Variants in ALPK3 observed in about 807,000 individuals in gnomAD.
ALPK3 encodes the protein alpha-protein kinase 3.
In ALPK3, 102 loss-of-function variants were observed where a neutral mutation model predicts 140.0. That is an observed-to-expected ratio of 0.73 (90% confidence interval 0.62 to 0.86). ALPK3 has a LOEUF of 0.86. ALPK3 is among the 40% of genes least tolerant of loss of function. ALPK3 has a pLI of 0.00. For missense variants in ALPK3, 2,254 were observed against 2,208.2 expected, an observed-to-expected ratio of 1.02 and a Z score of -0.42; for synonymous variants, 938 against 898.5, an observed-to-expected ratio of 1.04 and a Z score of -0.79.
At chr15:84,842,336 G>A (rs1346293527) in intron 5 of ALPK3, among the ~76,000 whole-genome samples, 2 of 152,192 alleles carry the variant, frequency 1.3e-5, no homozygotes, top group East Asian at 1.9e-4. Flanking sequence ...GCCCAGCCCA[G>A]TATTTCTTTT....
In ALPK3 at chr15:84,856,417, C is replaced by T. The variant is rs768351052; in HGVS notation, c.1679C>T (p.Ala560Val). 1 of 1,607,300 alleles carries T rather than the reference C, an allele frequency of 6.2e-7. No homozygotes were observed. The highest frequency in any genetic ancestry group is 8.5e-7 in the Non-Finnish European group (1 of 1,177,018). Residue 560 changes from alanine to valine, a missense_variant, in exon 6 of 14, where the codon GCT (alanine) becomes GTT (valine). Transcript: ENST00000258888. ...GEVLECQTTTAPTMSASSSSD... is the reference protein window; with the variant it reads ...GEVLECQTTTVPTMSASSSSD... ...GTCCTGGAATGCCAGACAACCACGG[C>T]TCCTACCATGTCGGCCAGCAGCAGC...
At chr15:84,824,069 ATCT>A (rs1963457942) in intron 2 of ALPK3, among the ~76,000 whole-genome samples, 5 of 152,060 alleles carry the variant, frequency 3.3e-5, no homozygotes, top group Non-Finnish European at 7.4e-5. Flanking sequence ...CTTATTGTCT[ATCT>A]TCTTCTAACC....
chr15:84,845,266 C>A (rs1963715559), intron 5 of ALPK3, among the ~76,000 whole-genome samples: 1 of 152,028 alleles, frequency 6.6e-6, no homozygotes, highest in Admixed American at 6.6e-5. Flanking sequence ...AAAGAGATTT[C>A]TTGGCAGTGA....
intron 10 of ALPK3, 94 bp from the exon 11 acceptor site, chr15:84,863,458 C>A: frequency 9.1e-7 from 1 of 1,104,480 alleles, no homozygotes; most frequent in Non-Finnish European, 1.3e-6. Context: ...CTCTCAGTCC[C>A]CTAACAGAAT....
intron 3 of ALPK3, among the ~76,000 whole-genome samples, chr15:84,831,993 A>G (rs1369040542): frequency 6.6e-6 from 1 of 152,188 alleles, no homozygotes; most frequent in African/African-American, 2.4e-5. Context: ...TTTTTCATAG[A>G]ATAGTCATGC....
At chr15:84,856,274 A>T (rs531299649) in intron 5 of ALPK3, 118 bp from the exon 6 acceptor site, 3 of 1,424,338 alleles carry the variant, frequency 2.1e-6, no homozygotes, top group Non-Finnish European at 2.8e-6. Context: ...AGAAACCAGG[A>T]GGCAAGATTC....
chr15:84,832,506 A>G (rs553277616), intron 3 of ALPK3, among the ~76,000 whole-genome samples: 99 of 152,302 alleles, frequency 6.5e-4, no homozygotes, highest in African/African-American at 2.3e-3. Flanking sequence ...TCTGCCTGGC[A>G]AATTCCTTCT....
In ALPK3 at chr15:84,849,160, AAG is replaced by A. The variant is rs1430906478; in HGVS notation, c.1654-7228_1654-7227del. ...TCTGTCTCAAAAAAAAAAAATTACT[AAG>A]AGAAAAATAGTGAACTATCTAGTGA... On this transcript the variant is annotated intron_variant, in intron 5 of 13. Coordinates refer to ENST00000258888, the MANE Select transcript of ALPK3 (RefSeq NM_020778.5). Among the ~76,000 whole-genome samples the A allele has an allele frequency of 4.1e-4, 63 of 152,206 alleles. No homozygotes were observed. The South Asian group carries it at 0.011, about 28-fold the overall frequency.
At chr15:84,852,369 G>A (rs138344902) in intron 5 of ALPK3, 85 of 153,756 alleles carry the variant, frequency 5.5e-4, no homozygotes, top group African/African-American at 2.0e-3. Flanking sequence ...AGGTGGGGTG[G>A]CATGAGATTT....
At position 84,839,632 on chromosome 15, in the gene ALPK3, C is replaced by G. The variant is rs1596149564; in HGVS notation, c.423-70C>G. ...GAAGTGTGCCCGGCTCTGAACGGCT[C>G]TGGCTGGGGGGTGTGGGGGCTCTCA... On this transcript the variant is annotated intron_variant, in intron 4 of 13. Transcript: ENST00000258888. 3 of 1,515,180 alleles carry G rather than the reference C, an allele frequency of 2.0e-6. No individual in the cohort carries two copies. The African/African-American group carries it at 4.1e-5, about 21-fold the overall frequency. The allele number at this position is 1,515,180 out of a possible 1,614,324, so 93.9% of individuals were successfully genotyped here. A position where few individuals can be genotyped will look rare whatever the true frequency, so the allele number is the denominator to read the frequency against.
chr15:84,833,624 T>G (rs1963567517), intron 3 of ALPK3, among the ~76,000 whole-genome samples: 1 of 152,132 alleles, frequency 6.6e-6, no homozygotes, highest in Non-Finnish European at 1.5e-5. Flanking sequence ...TAAACAAGGC[T>G]AGGATGAGTC....
At chr15:84,863,703 C>G in intron 11 of ALPK3, 63 bp downstream of exon 11, 1 of 1,505,308 alleles carries the variant, frequency 6.6e-7, no homozygotes. Flanking sequence ...TCTGCAAAGA[C>G]AGTGATTTCA....
chr15:84,817,568 A>G lies in ALPK3; in HGVS notation c.116A>G (p.Tyr39Cys). ...VWIPSPASRS[Y>C]LLSVRPETSL... ...ATCCCCAGCCCAGCCAGCCGGAGCT[A>G]CCTGCTCAGCGTGCGGCCCGAGACC... Residue 39 changes from tyrosine (Y) to cysteine (C), a missense_variant, in exon 1 of 14, where the codon TAC becomes TGC. By Grantham distance (194) the Tyr-to-Cys change is radical. Transcript: ENST00000258888. 6.7e-7 allele frequency: 1 copy of G among 1,502,566 alleles called. No individual in the cohort carries two copies. Among genetic ancestry groups the G allele is most frequent in the Non-Finnish European group, 8.8e-7 (1 of 1,131,380 alleles). 93.1% of individuals were successfully genotyped at this position (1,502,566 alleles called of 1,614,324 possible). A position where few individuals can be genotyped will look rare whatever the true frequency, so the allele number is the denominator to read the frequency against.
At position 84,868,327 on chromosome 15, in the gene ALPK3, T is replaced by C; in HGVS notation, c.4989T>C (p.Ser1663=). The part of the protein sequence containing the change: ...SPQPQKKGLP[S]PQGTRKSAPS... The stretch of plus-strand genomic sequence containing the variant: ...AGCCCCAGAAGAAAGGCCTCCCTAG[T>C]CCTCAGGGCACCCGGAAGAGTGCTC... The change falls in exon 14 of 14, where the codon AGT becomes AGC. Residue 1663 remains serine (S), a synonymous_variant. Transcript: ENST00000258888. 6.2e-7 allele frequency: 1 copy of C among 1,614,042 alleles called. No homozygotes were observed. The highest frequency in any genetic ancestry group is 8.5e-7 in the Non-Finnish European group (1 of 1,179,984).
intron 1 of ALPK3, among the ~76,000 whole-genome samples, chr15:84,822,398 T>A (rs1963437185): frequency 6.6e-6 from 1 of 152,092 alleles, no homozygotes; most frequent in Non-Finnish European, 1.5e-5. Context: ...GATGGGATCC[T>A]CATAGAGCTT....
At position 84,827,760 on chromosome 15, in the gene ALPK3, C is replaced by G. The variant is rs115838012; in HGVS notation, c.304+155C>G. ...TGAGCTTTCTCTCTAGTTTAACATC[C>G]CTGTGTGGGCTGGTGCCCCTTGCTT... On this transcript the variant is annotated intron_variant, in intron 3 of 13. Transcript: ENST00000258888. Among the ~76,000 whole-genome samples the G allele has an allele frequency of 0.013, 2,002 of 152,292 alleles. 19 individuals carry two copies. Among genetic ancestry groups the G allele is most frequent in the African/African-American group, 0.026 (1,083 of 41,558 alleles).
rs1963372273 is a variant in ALPK3, at chr15:84,817,435, G to C, written c.-18G>C. The C allele has an allele frequency of 7.9e-6, 10 of 1,265,424 alleles. No individual in the cohort carries two copies. The highest frequency in any genetic ancestry group is 8.9e-6 in the Non-Finnish European group (9 of 1,010,556). The allele number at this position is 1,265,424 out of a possible 1,614,324, so 78.4% of individuals were successfully genotyped here. A position where few individuals can be genotyped will look rare whatever the true frequency, so the allele number is the denominator to read the frequency against. ...GGCAGCGGCGAGTGCGGGGCCGGCG[G>C]TCGGGGAGGGCGGTGCCATGGGGTC... On this transcript the variant is annotated 5_prime_UTR_variant, in exon 1 of 14. Coordinates refer to ENST00000258888, the MANE Select transcript of ALPK3 (RefSeq NM_020778.5).
rs757775838 is a variant in ALPK3 at position 84,840,146 on chromosome 15, G to A, written c.867G>A (p.Glu289=). The A allele has an allele frequency of 3.7e-6, 6 of 1,614,044 alleles. No homozygotes were observed. The South Asian group carries it at 6.6e-5, about 18-fold the overall frequency. Residue 289 remains glutamate (E), a synonymous_variant, in exon 5 of 14, where the codon GAG becomes GAA. Coordinates refer to ENST00000258888, the MANE Select transcript of ALPK3 (RefSeq NM_020778.5). The part of the protein sequence containing the change: ...EAAPENGEDG[E]HGLLTYICDA... ...CCCCCGAGAATGGAGAGGACGGAGA[G>A]CATGGCTTGCTGACATACATCTGTG...
chr15:84,861,062 G>A (rs1477700554), intron 9 of ALPK3, among the ~76,000 whole-genome samples: 1 of 152,194 alleles, frequency 6.6e-6, no homozygotes, highest in Non-Finnish European at 1.5e-5. Flanking sequence ...TCAAAACTAA[G>A]TAATAATTAT....
Sources: gnomAD v4.1 joint callset for allele counts (sites outside exome capture counted in the v4.1 genomes callset) on GRCh38, gnomAD v4.1.1 for gene constraint, MANE v1.5 for transcripts, NCBI Gene and HGNC (gene_info 2026-07-23, HGNC 2026-07-21) for gene names.